Variants in FAM149B1 observed in about 807,000 individuals in gnomAD.
FAM149B1 encodes family with sequence similarity 149 member B1, also known as primary cilium assembly protein FAM149B1.
A neutral mutation model predicts 75.3 loss-of-function variants in FAM149B1; 56 were observed. The observed-to-expected ratio is 0.74, with a 90% CI of 0.60 to 0.93. The LOEUF is 0.93. Ranked by LOEUF, FAM149B1 falls within the 40% of genes least tolerant of loss-of-function variation. The pLI is 0.00. For synonymous variants in FAM149B1, 259 were observed against 256.1 expected (o/e 1.01, Z -0.11); for missense variants, 639 against 708.4 (o/e 0.90, Z 1.11).
In FAM149B1 at chr10:73,241,582, G is replaced by C. The variant is rs2043953723; in HGVS notation, c.*563G>C. On this transcript the variant is annotated 3_prime_UTR_variant, in exon 14 of 14. Coordinates refer to ENST00000242505, the MANE Select transcript of FAM149B1 (RefSeq NM_173348.2). Reference sequence around the variant, plus strand: ...GTGTAACTAAAAACATAAATGTTAAGCATTAGTATAAAGTAACTTCTGTAA... The same window carrying C: ...GTGTAACTAAAAACATAAATGTTAACCATTAGTATAAAGTAACTTCTGTAA... 1 of 154,626 alleles carries C rather than the reference G, an allele frequency of 6.5e-6. No homozygotes were observed. The highest frequency in any genetic ancestry group is 1.4e-5 in the Non-Finnish European group (1 of 69,556). The allele number at this position is 154,626 out of a possible 1,614,324, so 9.6% of individuals were successfully genotyped here.
At chr10:73,221,271 T>C (rs1589179274) in intron 7 of FAM149B1, among the ~76,000 whole-genome samples, 1 of 152,260 alleles carries the variant, frequency 6.6e-6, no homozygotes, top group Non-Finnish European at 1.5e-5. Context: ...TTTTATGTTA[T>C]ATGAATCTTA....
chr10:73,181,055 A>G (rs549487787), intron 3 of FAM149B1, among the ~76,000 whole-genome samples: 132 of 148,904 alleles, frequency 8.9e-4, no homozygotes, highest in South Asian at 2.1e-3. Context: ...CACCCAGGCT[A>G]GAGTGCAGTG....
intron 7 of FAM149B1, among the ~76,000 whole-genome samples, chr10:73,215,750 T>C (rs2043285598): frequency 6.6e-6 from 1 of 152,242 alleles, no homozygotes; most frequent in African/African-American, 2.4e-5. Context: ...TTTCCGACTT[T>C]ATTCCACTGT....
At chr10:73,191,407 G>A (rs1489714709) in intron 3 of FAM149B1, among the ~76,000 whole-genome samples, 1 of 150,944 alleles carries the variant, frequency 6.6e-6, no homozygotes, top group Non-Finnish European at 1.5e-5. Context: ...CACAATCTCG[G>A]CTCACCGCAA....
intron 5 of FAM149B1, among the ~76,000 whole-genome samples, chr10:73,198,279 C>T (rs1441842623): frequency 6.6e-6 from 1 of 152,154 alleles, no homozygotes; most frequent in Non-Finnish European, 1.5e-5. Flanking sequence ...GGTAAAGCTT[C>T]AGGCCATTGG....
At chr10:73,240,819 A>C in intron 13 of FAM149B1, 127 bp from the exon 14 acceptor site, 1 of 626,756 alleles carries the variant, frequency 1.6e-6, no homozygotes, top group Non-Finnish European at 2.9e-6. Flanking sequence ...CTACAAAACT[A>C]GTTTACTGCT....
rs2043664674 is a variant in FAM149B1 at position 73,230,531 on chromosome 10, A to T, written c.1127+6A>T. The T allele has an allele frequency of 1.4e-6, 2 of 1,420,712 alleles. No homozygotes were observed. 88.0% of individuals were successfully genotyped at this position (1,420,712 alleles called of 1,614,324 possible). A position where few individuals can be genotyped will look rare whatever the true frequency, so the allele number is the denominator to read the frequency against. On this transcript the variant is annotated splice_donor_region_variant and intron_variant, in intron 9 of 13. Coordinates refer to ENST00000242505, the MANE Select transcript of FAM149B1 (RefSeq NM_173348.2). ...TCCCTAATGGACAAGCTCCTGTAAG[A>T]AGTTCAACATTTTCAGACTATACAG...
intron 10 of FAM149B1, chr10:73,234,030 A>G (rs941262228): frequency 1.3e-5 from 2 of 152,230 alleles, no homozygotes; most frequent in African/African-American, 4.8e-5. Flanking sequence ...CATCATGCAA[A>G]AATACCTAGG....
intron 5 of FAM149B1, chr10:73,200,707 T>A: frequency 2.1e-6 from 1 of 479,936 alleles, no homozygotes; most frequent in Admixed American, 2.6e-5. Context: ...AAGATCCTAT[T>A]CAAATTCTGG....
chr10:73,231,345 T>C (rs2043693342), intron 9 of FAM149B1: 1 of 152,220 alleles, frequency 6.6e-6, no homozygotes, highest in African/African-American at 2.4e-5. Context: ...CTTGAGTTGA[T>C]ACCTAGAAAT....
intron 5 of FAM149B1, among the ~76,000 whole-genome samples, chr10:73,204,135 T>G (rs371814357): frequency 1.8e-4 from 27 of 152,142 alleles, no homozygotes; most frequent in South Asian, 4.2e-4. Context: ...TATTATTTTT[T>G]TGTGTGTGTG....
chr10:73,226,307 C>G (rs1157463222), intron 7 of FAM149B1, among the ~76,000 whole-genome samples: 1 of 152,030 alleles, frequency 6.6e-6, no homozygotes, highest in Non-Finnish European at 1.5e-5. Flanking sequence ...GAGATCAAGA[C>G]CATCCTGGCT....
chr10:73,206,784 G>A (rs913451702), intron 5 of FAM149B1, among the ~76,000 whole-genome samples: 6 of 152,216 alleles, frequency 3.9e-5, no homozygotes, highest in East Asian at 1.9e-4. Context: ...GTGTGGTGGC[G>A]GACGCCTATA....
chr10:73,237,237 G>A (rs1290104775), intron 12 of FAM149B1, among the ~76,000 whole-genome samples: 1 of 152,158 alleles, frequency 6.6e-6, no homozygotes, highest in Non-Finnish European at 1.5e-5. Context: ...ACCCCACGAG[G>A]CTGACTTAGG....
rs753529814 is a variant in FAM149B1 at position 73,174,807 on chromosome 10, G to A, written c.152+16G>A. 20 of 1,505,370 alleles carry A rather than the reference G, an allele frequency of 1.3e-5. No individual in the cohort carries two copies. In the South Asian group the frequency reaches 2.0e-4, roughly 15 times the overall value. The allele number at this position is 1,505,370 out of a possible 1,614,324, so 93.3% of individuals were successfully genotyped here. A position where few individuals can be genotyped will look rare whatever the true frequency, so the allele number is the denominator to read the frequency against. The stretch of plus-strand genomic sequence containing the variant: ...GTTCCCAAAGGTAATAACACAAAGT[G>A]TACTTGTTTACTTATTGCACTTGCT... On this transcript the variant is annotated intron_variant, in intron 2 of 13. Coordinates refer to ENST00000242505, the MANE Select transcript of FAM149B1 (RefSeq NM_173348.2).
intron 1 of FAM149B1, among the ~76,000 whole-genome samples, chr10:73,169,818 GA>G (rs1329684593): frequency 3.9e-5 from 6 of 152,072 alleles, no homozygotes; most frequent in Non-Finnish European, 8.8e-5. Context: ...TCTTTCAGAA[GA>G]TGAAATTATA....
intron 1 of FAM149B1, among the ~76,000 whole-genome samples, chr10:73,169,962 A>G (rs1304741231): frequency 6.6e-6 from 1 of 151,758 alleles, no homozygotes; most frequent in Non-Finnish European, 1.5e-5. Flanking sequence ...TATTAATTAA[A>G]TATTAACTTT....
In FAM149B1 at chr10:73,244,106, G is replaced by A; in HGVS notation, c.*3087G>A. The stretch of plus-strand genomic sequence containing the variant: ...ATGGCAACAATGCTGACAGCAAGCA[G>A]TAGATCCTCTGATTCCAATTACCAT... On this transcript the variant is annotated 3_prime_UTR_variant, in exon 14 of 14. Coordinates refer to ENST00000242505, the MANE Select transcript of FAM149B1 (RefSeq NM_173348.2). The A allele has an allele frequency of 1.7e-6, 1 of 590,524 alleles. No individual in the cohort carries two copies. The highest frequency in any genetic ancestry group is 3.0e-6 in the Non-Finnish European group (1 of 333,246). The allele number at this position is 590,524 out of a possible 1,614,324, so 36.6% of individuals were successfully genotyped here.
intron 10 of FAM149B1, 23 bp from the exon 11 acceptor site, chr10:73,234,794 G>C (rs539543745): frequency 6.5e-7 from 1 of 1,549,976 alleles, no homozygotes; most frequent in Non-Finnish European, 8.7e-7. Flanking sequence ...TCATACCTTC[G>C]TGTTTGTTGG....
Sources: allele counts gnomAD v4.1 joint callset (sites outside exome capture counted in the v4.1 genomes callset), GRCh38; gene constraint gnomAD v4.1.1; transcripts MANE v1.5; gene names NCBI Gene and HGNC (gene_info 2026-07-23, HGNC 2026-07-21).